Variants in NREP observed in about 807,000 individuals in gnomAD.
NREP encodes neuronal regeneration related protein.
Under a neutral mutation model 8.6 loss-of-function variants are expected in NREP, and 5 were observed. That is an observed-to-expected ratio of 0.58 (90% CI 0.30 to 1.22). The LOEUF (loss-of-function observed/expected upper bound fraction) is 1.22, where lower values mean the gene tolerates loss of function less well. NREP is among the 50% of genes most tolerant of loss of function. The pLI is 0.07. For missense variants in NREP, 86 were observed against 82.5 expected (o/e 1.04, Z -0.17); for synonymous variants, 27 against 28.0 (o/e 0.96, Z 0.11).
At chr5:111,892,456 A>C (rs1487745653) in intron 2 of NREP, among the ~76,000 whole-genome samples, 1 of 152,196 alleles carries the variant, frequency 6.6e-6, no homozygotes, top group East Asian at 1.9e-4. Context: ...CATTCATATG[A>C]AGAGGTTACT....
At chr5:111,966,243 T>C (rs1364706964) in intron 2 of NREP, among the ~76,000 whole-genome samples, 2 of 152,236 alleles carry the variant, frequency 1.3e-5, no homozygotes, top group Non-Finnish European at 2.9e-5. Flanking sequence ...TTAGCCATTA[T>C]CAAGAGATTC....
At chr5:111,740,141 C>A (rs1170767662) in intron 2 of NREP, among the ~76,000 whole-genome samples, 1 of 151,980 alleles carries the variant, frequency 6.6e-6, no homozygotes, top group Non-Finnish European at 1.5e-5. Flanking sequence ...GTTAATGCAT[C>A]TTTTTCTATG....
chr5:111,879,367 C>G (rs1453907737), intron 2 of NREP, among the ~76,000 whole-genome samples: 1 of 152,116 alleles, frequency 6.6e-6, no homozygotes, highest in East Asian at 1.9e-4. Context: ...ATAAAAGATC[C>G]CTTCCCTCAT....
At chr5:111,930,239 A>G (rs1028932191) in intron 2 of NREP, among the ~76,000 whole-genome samples, 1 of 152,130 alleles carries the variant, frequency 6.6e-6, no homozygotes, top group African/African-American at 2.4e-5. Context: ...TAAGGCAACC[A>G]AGTTAACTGA....
chr5:111,852,429 C>T (rs185289561), intron 2 of NREP, among the ~76,000 whole-genome samples: 1 of 152,242 alleles, frequency 6.6e-6, no homozygotes, highest in East Asian at 1.9e-4. Context: ...GGCACAGCCT[C>T]AAAGCTGAAC....
chr5:111,928,946 TA>T (rs1755465226), intron 2 of NREP, among the ~76,000 whole-genome samples: 2 of 152,132 alleles, frequency 1.3e-5, no homozygotes, highest in Non-Finnish European at 2.9e-5. Flanking sequence ...CCTAGAGTAA[TA>T]TTTAAATCAG....
intron 2 of NREP, among the ~76,000 whole-genome samples, chr5:111,896,246 G>C (rs1754509074): frequency 6.6e-6 from 1 of 152,152 alleles, no homozygotes; most frequent in Non-Finnish European, 1.5e-5. Flanking sequence ...GATAAGAATA[G>C]ATTCTAGAGG....
intron 2 of NREP, among the ~76,000 whole-genome samples, chr5:111,745,131 G>A (rs1261278116): frequency 6.6e-6 from 1 of 152,128 alleles, no homozygotes; most frequent in Non-Finnish European, 1.5e-5. Flanking sequence ...TCTTCACAAT[G>A]TTACCACAAG....
intron 2 of NREP, among the ~76,000 whole-genome samples, chr5:111,777,755 T>C (rs1751399282): frequency 6.6e-6 from 1 of 151,978 alleles, no homozygotes; most frequent in African/African-American, 2.4e-5. Flanking sequence ...GTTCTAGAAA[T>C]TATAGGTGTG....
chr5:111,913,931 G>C (rs547249747), intron 2 of NREP, among the ~76,000 whole-genome samples: 5 of 152,202 alleles, frequency 3.3e-5, no homozygotes, highest in African/African-American at 1.2e-4. Flanking sequence ...AAAACTAAAA[G>C]CATGCCAAGC....
intron 2 of NREP, among the ~76,000 whole-genome samples, chr5:111,832,706 C>T (rs1357352837): frequency 6.6e-6 from 1 of 152,184 alleles, no homozygotes; most frequent in Non-Finnish European, 1.5e-5. Context: ...ACTGAGAAAT[C>T]TTAGAAACAA....
intron 2 of NREP, among the ~76,000 whole-genome samples, chr5:111,865,930 T>G (rs2112488308): frequency 6.6e-6 from 1 of 152,282 alleles, no homozygotes; most frequent in South Asian, 2.1e-4. Flanking sequence ...GATCATAAAC[T>G]GTTCAACAAT....
At chr5:111,865,438 GA>G (rs1309142640) in intron 2 of NREP, among the ~76,000 whole-genome samples, 1 of 152,142 alleles carries the variant, frequency 6.6e-6, no homozygotes, top group Non-Finnish European at 1.5e-5. Context: ...AGCCACCAGG[GA>G]TGAGCAACAT....
intron 2 of NREP, among the ~76,000 whole-genome samples, chr5:111,813,054 A>G (rs1455851823): frequency 1.3e-5 from 2 of 152,038 alleles, no homozygotes; most frequent in African/African-American, 4.8e-5. Flanking sequence ...TAGGTACCCT[A>G]CTCTTTAAGT....
intron 2 of NREP, among the ~76,000 whole-genome samples, chr5:111,749,996 G>A (rs1034858202): frequency 1.3e-5 from 2 of 152,094 alleles, no homozygotes; most frequent in Non-Finnish European, 2.9e-5. Context: ...CAATCAAAAG[G>A]CAAAGAACCT....
chr5:111,845,254 C>T (rs2112953967), intron 2 of NREP, among the ~76,000 whole-genome samples: 1 of 149,758 alleles, frequency 6.7e-6, no homozygotes, highest in East Asian at 2.0e-4. Flanking sequence ...GTGAAACTGT[C>T]CTTTCTACCT....
intron 2 of NREP, among the ~76,000 whole-genome samples, chr5:111,821,978 T>A (rs564098424): frequency 6.6e-6 from 1 of 152,206 alleles, no homozygotes; most frequent in Non-Finnish European, 1.5e-5. Flanking sequence ...ATGAAAATGC[T>A]TAAAATATTT....
At chr5:111,866,841 T>C (rs1753677085) in intron 2 of NREP, among the ~76,000 whole-genome samples, 2 of 152,046 alleles carry the variant, frequency 1.3e-5, no homozygotes, top group South Asian at 2.1e-4. Context: ...TCATGTCCTT[T>C]GTAGGGACAT....
In NREP at chr5:111,818,701, ACT is replaced by A. The variant is rs558996785; in HGVS notation, c.136-83196_136-83195del. On this transcript the variant is annotated intron_variant, in intron 2 of 3. Transcript: ENST00000395634. Reference sequence around the variant, plus strand: ...CCTTCTAGAAATGTACCAAAGAAACACTCTCATGCATATGCATGTGTAAAGTA... The same window carrying A: ...CCTTCTAGAAATGTACCAAAGAAACACTCATGCATATGCATGTGTAAAGTA... Among the ~76,000 whole-genome samples the A allele has an allele frequency of 4.6e-5, 7 of 152,242 alleles. 1 individual carries two copies. In the South Asian group the frequency reaches 1.5e-3, roughly 32 times the overall value.
Sources: allele counts gnomAD v4.1 joint callset (sites outside exome capture counted in the v4.1 genomes callset), GRCh38; gene constraint gnomAD v4.1.1; transcripts MANE v1.5; gene names NCBI Gene and HGNC (gene_info 2026-07-23, HGNC 2026-07-21).